CPSF1: variants seen among roughly 807,000 people sequenced by gnomAD.
CPSF1 encodes cleavage and polyadenylation specific factor 1, also known as cleavage and polyadenylation specificity factor subunit 1.
In CPSF1, 106 loss-of-function variants were observed where a neutral mutation model predicts 175.8. The observed-to-expected ratio is 0.60, with a 90% CI of 0.52 to 0.71. The LOEUF is 0.71. Ranked by LOEUF, CPSF1 falls within the 30% of genes least tolerant of loss-of-function variation. The pLI, the probability that CPSF1 is intolerant of heterozygous loss-of-function variation, is 0.00. For synonymous variants in CPSF1, 1,024 were observed against 858.3 expected, an observed-to-expected ratio of 1.19 and a Z score of -3.37; for missense variants, 1,734 against 2,022.9, an observed-to-expected ratio of 0.86 and a Z score of 2.74.
chr8:144,394,084 C>G, intron 34 of CPSF1, 29 bp downstream of exon 34: 4 of 1,611,300 alleles, frequency 2.5e-6, no homozygotes, highest in Non-Finnish European at 3.4e-6. Context: ...AGCCCCGGCC[C>G]AGGCAGAGGG....
chr8:144,406,378 G>A (rs1554869096), intron 2 of CPSF1, among the ~76,000 whole-genome samples: 1 of 152,136 alleles, frequency 6.6e-6, no homozygotes, highest in African/African-American at 2.4e-5. Flanking sequence ...AGGCTCAACA[G>A]CGTGGGACCC....
rs1365184093 is a variant in CPSF1, at chr8:144,402,461, T to A, written c.145-788A>T. Among the ~76,000 whole-genome samples, 4 of 152,100 alleles carry A rather than the reference T, an allele frequency of 2.6e-5. No individual in the cohort carries two copies. In the East Asian group the frequency reaches 7.7e-4, roughly 29 times the overall value. On this transcript the variant is annotated intron_variant, in intron 2 of 37. Transcript: ENST00000616140. ...CTGGGATTACAGGTGCGTGCCACCA[T>A]GTCCGGCTAATTTTTGTATTTTTAG... is the stretch of plus-strand genomic sequence containing the variant.
chr8:144,407,939 G>A (rs1821581566), intron 2 of CPSF1, among the ~76,000 whole-genome samples: 1 of 152,152 alleles, frequency 6.6e-6, no homozygotes, highest in Admixed American at 6.5e-5. Flanking sequence ...CCAGGGAGGG[G>A]CCCATGTGGT....
intron 2 of CPSF1, among the ~76,000 whole-genome samples, chr8:144,404,581 G>A (rs2130779573): frequency 6.6e-6 from 1 of 151,126 alleles, no homozygotes; most frequent in South Asian, 2.1e-4. Flanking sequence ...TCTTGGACAG[G>A]CTGGTCTTGA....
In CPSF1 at chr8:144,401,195, G is replaced by A. The variant is rs200522849; in HGVS notation, c.387+16C>T. 52 of 1,548,524 alleles carry A rather than the reference G, an allele frequency of 3.4e-5. No homozygotes were observed. In the East Asian group the frequency reaches 9.5e-4, roughly 28 times the overall value. ...GGCTGGGCGGGGCCTGGGCGGGGGC[G>A]GGAGCGCGGCCCTACCCGAAGCTCA... On this transcript the variant is annotated intron_variant, in intron 5 of 37. Coordinates refer to ENST00000616140, the MANE Select transcript of CPSF1 (RefSeq NM_013291.3).
At position 144,393,747 on chromosome 8, in the gene CPSF1, G is replaced by A; in HGVS notation, c.4065C>T (p.Thr1355=). ...IGLLLPMQEK[T]YRRLLMLQNA... is the part of the protein sequence containing the mutation. The stretch of plus-strand genomic sequence containing the variant: ...TCTGCAGCATCAGCAGCCGCCGGTA[G>A]GTCTTCTCCTGCATGGGCAGCAGCA... Residue 1355 remains threonine, a synonymous_variant, in exon 36 of 38, where the codon ACC becomes ACT. Coordinates refer to ENST00000616140, the MANE Select transcript of CPSF1 (RefSeq NM_013291.3). 1 of 1,584,882 alleles carries A rather than the reference G, an allele frequency of 6.3e-7. No individual in the cohort carries two copies. The highest frequency in any genetic ancestry group is 8.5e-7 in the Non-Finnish European group (1 of 1,171,866).
chr8:144,409,176 C>T lies in CPSF1; in HGVS notation c.-14-4G>A. On this transcript the variant is annotated splice_region_variant and splice_polypyrimidine_tract_variant and intron_variant, in intron 1 of 37. Coordinates refer to ENST00000616140, the MANE Select transcript of CPSF1 (RefSeq NM_013291.3). ...GCGTACATGGCGCCAACCCGGGCTG[C>T]GCAAGGCCGGGAGAGGAAGGGTGAG... is the stretch of plus-strand genomic sequence containing the variant. The T allele has an allele frequency of 6.3e-7, 1 of 1,598,372 alleles. No individual in the cohort carries two copies. The highest frequency in any genetic ancestry group is 8.5e-7 in the Non-Finnish European group (1 of 1,172,920).
rs782119878 is a variant in CPSF1, at chr8:144,397,859, C to T, written c.2094G>A (p.Leu698=). 6.2e-7 allele frequency: 1 copy of T among 1,609,642 alleles called. No individual in the cohort carries two copies. The highest frequency in any genetic ancestry group is 8.5e-7 in the Non-Finnish European group (1 of 1,178,362). Residue 698 remains leucine (L), a synonymous_variant, in exon 21 of 38, where the codon CTG becomes CTA. Coordinates refer to ENST00000616140, the MANE Select transcript of CPSF1 (RefSeq NM_013291.3). The stretch of plus-strand genomic sequence containing the variant: ...TGCCGCTGAGGTCTCGGTACAGGCA[C>T]AGCGTAATCACCTTGGACTGCTGCG... ...PLHHQSKVIT[L]CLYRDLSGMF...
intron 2 of CPSF1, 41 bp from the exon 3 acceptor site, chr8:144,401,714 T>C: frequency 6.3e-7 from 1 of 1,578,886 alleles, no homozygotes; most frequent in Non-Finnish European, 8.6e-7. Flanking sequence ...GGGCCACATC[T>C]GGCAGCTCAC....
Position 144,399,200 on chromosome 8 carries a change from C to T in CPSF1, c.1395G>A (p.Val465=). 6.2e-7 allele frequency: 1 copy of T among 1,610,020 alleles called. No homozygotes were observed. The highest frequency in any genetic ancestry group is 8.5e-7 in the Non-Finnish European group (1 of 1,178,822). ...GTQLATYSFE[V]CDSILNIGPC... is the part of the protein sequence containing the mutation. ...GTCCAATGTTCAGGATGCTGTCACA[C>T]ACCTGCGGCACAGCAAGAGTCAGGG... Residue 465 remains valine (V), a splice_region_variant and synonymous_variant, in exon 15 of 38, where the codon GTG becomes GTA. Transcript: ENST00000616140. This position sits in a 1 kb window ranked among gnomAD's most constrained non-coding sequence, Gnocchi z 6.4.
At chr8:144,408,124 C>T (rs1821593536) in intron 2 of CPSF1, among the ~76,000 whole-genome samples, 1 of 152,118 alleles carries the variant, frequency 6.6e-6, no homozygotes, top group African/African-American at 2.4e-5. Flanking sequence ...CTGGGTCAGC[C>T]CCTATTCACA....
In CPSF1 at chr8:144,396,864, G is replaced by A. The variant is rs782213774; in HGVS notation, c.2658C>T (p.Gly886=). Residue 886 remains glycine (G), a synonymous_variant, in exon 24 of 38, where the codon GGC becomes GGT. Transcript: ENST00000616140. ...CCTTCTTAAAGCGGACTTTGAGATT[G>A]CCCTGGCCGAGCTGAGAGTCGTGGG... ...AFPHDSQLGQ[G]NLKVRFKKVP... The A allele has an allele frequency of 3.7e-6, 6 of 1,613,868 alleles. No individual in the cohort carries two copies. The highest frequency in any genetic ancestry group is 1.3e-5 in the African/African-American group (1 of 74,900).
chr8:144,408,554 G>C (rs1821621540), intron 2 of CPSF1, among the ~76,000 whole-genome samples: 1 of 152,192 alleles, frequency 6.6e-6, no homozygotes, highest in African/African-American at 2.4e-5. Context: ...CTCCCGCTCT[G>C]CCTCAGACAG....
Position 144,399,370 on chromosome 8 carries a change from G to T in CPSF1, c.1298C>A (p.Ala433Glu), listed in dbSNP as rs2116861856. ...CTCATCCTGCGGCACCGACTTACCC[G>T]CAGCTGCACACAGAGAGCCCACTTG... Reference protein sequence around the residue: ...RVDATAGWSAAGKSVPQDEVD... With the variant: ...RVDATAGWSAEGKSVPQDEVD... The change falls in exon 14 of 38, where the codon GCG (alanine) becomes GAG (glutamate). Residue 433 changes from alanine to glutamate, a missense_variant. Ala to Glu is a moderately radical substitution (Grantham distance 107). This residue lies in a region of CPSF1 where 162 missense variants were observed against 169.5 expected (regional missense o/e 0.96). Transcript: ENST00000616140. This position sits in a 1 kb window ranked among gnomAD's most constrained non-coding sequence, Gnocchi z 6.4. 6.2e-7 allele frequency: 1 copy of T among 1,612,722 alleles called. No individual in the cohort carries two copies.
intron 2 of CPSF1, among the ~76,000 whole-genome samples, chr8:144,401,877 C>G (rs1356870739): frequency 6.6e-6 from 1 of 152,208 alleles, no homozygotes; most frequent in Non-Finnish European, 1.5e-5. Context: ...TGCCCACGGC[C>G]CAGCCCTGGC....
In CPSF1 at chr8:144,399,045, AG is replaced by A; in HGVS notation, c.1468-8del. ...GCTCGGGGCTGTTCTGAAACTGCAC[AG>A]GACTCGGGGGTGAGGACTATGCCCC... is the stretch of plus-strand genomic sequence containing the variant. On this transcript the variant is annotated splice_polypyrimidine_tract_variant and splice_region_variant and intron_variant, in intron 15 of 37. Transcript: ENST00000616140. This position sits in a 1 kb window ranked among gnomAD's most constrained non-coding sequence, Gnocchi z 6.4. The A allele has an allele frequency of 6.3e-7, 1 of 1,582,470 alleles. No homozygotes were observed. The highest frequency in any genetic ancestry group is 8.6e-7 in the Non-Finnish European group (1 of 1,164,804).
intron 3 of CPSF1, 23 bp downstream of exon 3, chr8:144,401,623 C>A: frequency 6.2e-7 from 1 of 1,611,642 alleles, no homozygotes; most frequent in South Asian, 1.1e-5. Context: ...CCGCACAGCC[C>A]CAGGCCGCCC....
intron 28 of CPSF1, 37 bp downstream of exon 28, chr8:144,395,228 G>T: frequency 6.2e-7 from 1 of 1,612,924 alleles, no homozygotes; most frequent in Non-Finnish European, 8.5e-7. Context: ...TCCCCAAGAT[G>T]CGGCTGAGGA....
intron 9 of CPSF1, 31 bp downstream of exon 9, chr8:144,400,135 G>GGGGGCGC: frequency 1.1e-6 from 1 of 896,008 alleles, no homozygotes; most frequent in Non-Finnish European, 1.6e-6. Context: ...CCGTCCCCGG[G>GGGGGCGC]CCCCCCCCGC....
Sources: gnomAD v4.1 joint callset for allele counts (sites outside exome capture counted in the v4.1 genomes callset) on GRCh38, gnomAD v4.1.1 for gene constraint, gnomAD v4.1.1 regional missense constraint, Gnocchi (gnomAD v3.1) non-coding constraint, MANE v1.5 for transcripts, NCBI Gene and HGNC (gene_info 2026-07-23, HGNC 2026-07-21) for gene names.